Variants in TRAF3 observed in about 807,000 individuals in gnomAD.
TRAF3 encodes the protein TNF receptor-associated factor 3.
TRAF3 carries 13 observed loss-of-function variants against 62.3 expected under a neutral mutation model. That is an observed-to-expected ratio of 0.21 (90% confidence interval 0.14 to 0.33). The LOEUF is 0.33. TRAF3 is among the 10% of genes least tolerant of loss of function. TRAF3 has a pLI of 1.00. For missense variants in TRAF3, 440 were observed against 741.8 expected, an observed-to-expected ratio of 0.59 and a Z score of 4.73; for synonymous variants, 269 against 283.4, an observed-to-expected ratio of 0.95 and a Z score of 0.51.
At chr14:102,842,342 A>T (rs1309213909) in intron 2 of TRAF3, among the ~76,000 whole-genome samples, 2 of 149,628 alleles carry the variant, frequency 1.3e-5, no homozygotes, top group Admixed American at 1.3e-4. Context: ...ATACACATGT[A>T]TATGTATATA....
chr14:102,803,492 G>A (rs1412807914), intron 1 of TRAF3, among the ~76,000 whole-genome samples: 1 of 152,154 alleles, frequency 6.6e-6, no homozygotes, highest in Admixed American at 6.5e-5. Context: ...GAGATGGAAA[G>A]CATTTAGCAT....
intron 1 of TRAF3, among the ~76,000 whole-genome samples, chr14:102,795,678 T>C (rs1898044510): frequency 6.6e-6 from 1 of 152,046 alleles, no homozygotes; most frequent in Admixed American, 6.6e-5. Flanking sequence ...TTACAGTCTT[T>C]TGTTGTAATG....
At chr14:102,804,274 C>T (rs976924631) in intron 1 of TRAF3, among the ~76,000 whole-genome samples, 2 of 152,108 alleles carry the variant, frequency 1.3e-5, no homozygotes, top group South Asian at 2.1e-4. Flanking sequence ...TAGAGACTTA[C>T]AATCTTCAGT....
chr14:102,791,651 T>G (rs1428792797), intron 1 of TRAF3, among the ~76,000 whole-genome samples: 1 of 152,220 alleles, frequency 6.6e-6, no homozygotes, highest in Non-Finnish European at 1.5e-5. Context: ...TTCTTTCTAA[T>G]TTGAATGCCT....
At chr14:102,889,103 T>C (rs1889565931) in intron 7 of TRAF3, among the ~76,000 whole-genome samples, 2 of 152,252 alleles carry the variant, frequency 1.3e-5, no homozygotes, top group African/African-American at 4.8e-5. Flanking sequence ...TGAGTAATGG[T>C]ACATTGTGTA....
chr14:102,822,946 C>T (rs1424528078), intron 1 of TRAF3, among the ~76,000 whole-genome samples: 10 of 150,202 alleles, frequency 6.7e-5, no homozygotes, highest in East Asian at 3.9e-4. Flanking sequence ...GCAGAGGTTG[C>T]GGTGAGCCGA....
intron 3 of TRAF3, 74 bp from the exon 4 acceptor site, chr14:102,871,843 T>G (rs192778014): frequency 7.0e-7 from 1 of 1,425,882 alleles, no homozygotes; most frequent in Non-Finnish European, 9.9e-7. Context: ...ATAAAGTGAA[T>G]GCTCCCAGAA....
chr14:102,794,268 G>A (rs1204486266), intron 1 of TRAF3, among the ~76,000 whole-genome samples: 1 of 152,128 alleles, frequency 6.6e-6, no homozygotes, highest in Non-Finnish European at 1.5e-5. Context: ...TCAAACGCCT[G>A]GGCAGAAGTG....
intron 2 of TRAF3, among the ~76,000 whole-genome samples, chr14:102,839,844 A>G (rs1311473350): frequency 1.3e-5 from 2 of 152,244 alleles, no homozygotes; most frequent in Non-Finnish European, 2.9e-5. Context: ...GAACATGTAC[A>G]TTCCCTACTG....
intron 10 of TRAF3, among the ~76,000 whole-genome samples, chr14:102,899,163 G>A (rs1214310305): frequency 2.0e-5 from 3 of 152,232 alleles, no homozygotes; most frequent in East Asian, 1.9e-4. Context: ...CCTTCCAACC[G>A]TGTGGTTTTT....
intron 1 of TRAF3, among the ~76,000 whole-genome samples, chr14:102,791,221 G>A (rs957241077): frequency 1.3e-5 from 2 of 151,884 alleles, no homozygotes; most frequent in Non-Finnish European, 2.9e-5. Context: ...GGGTTTAACT[G>A]TGTTAGCCAG....
intron 1 of TRAF3, among the ~76,000 whole-genome samples, chr14:102,808,835 T>A (rs906837645): frequency 1.1e-4 from 16 of 151,964 alleles, no homozygotes; most frequent in Non-Finnish European, 2.2e-4. Flanking sequence ...TTTTTTTTTT[T>A]AAGACAGTCT....
At chr14:102,825,515 C>T (rs1023531451) in intron 1 of TRAF3, among the ~76,000 whole-genome samples, 5 of 152,254 alleles carry the variant, frequency 3.3e-5, no homozygotes, top group Non-Finnish European at 7.3e-5. Context: ...GGGCCCTCCT[C>T]TGTAGGCGCT....
At chr14:102,809,550 T>G (rs888452265) in intron 1 of TRAF3, among the ~76,000 whole-genome samples, 2 of 122,878 alleles carry the variant, frequency 1.6e-5, no homozygotes, top group Non-Finnish European at 1.6e-5. Context: ...TTTTTTTTTT[T>G]GAGACGGAGT....
chr14:102,902,157 G>A (rs1890335729), intron 10 of TRAF3, among the ~76,000 whole-genome samples: 1 of 152,256 alleles, frequency 6.6e-6, no homozygotes, highest in Admixed American at 6.5e-5. Context: ...GTTAAATGAA[G>A]TAGCATAAAG....
intron 2 of TRAF3, among the ~76,000 whole-genome samples, chr14:102,839,848 C>T (rs182478954): frequency 3.6e-4 from 55 of 152,222 alleles, no homozygotes; most frequent in Non-Finnish European, 2.2e-4. Flanking sequence ...ATGTACATTC[C>T]CTACTGTTAG....
At chr14:102,817,274 AACTTGAAGGTCTTTGGGG>A (rs1214496741) in intron 1 of TRAF3, among the ~76,000 whole-genome samples, 2 of 152,186 alleles carry the variant, frequency 1.3e-5, no homozygotes, top group Non-Finnish European at 2.9e-5. Context: ...TGGATTTTGC[AACTTGAAGGTCTTTGGGG>A]ACTTGGACAA....
At chr14:102,841,498 T>G (rs1021591994) in intron 2 of TRAF3, among the ~76,000 whole-genome samples, 3 of 152,212 alleles carry the variant, frequency 2.0e-5, no homozygotes, top group Non-Finnish European at 4.4e-5. Context: ...TCAGAGCAGC[T>G]TTTTCATCTA....
chr14:102,784,451 G>T (rs1019848320), intron 1 of TRAF3, among the ~76,000 whole-genome samples: 7 of 152,078 alleles, frequency 4.6e-5, no homozygotes, highest in African/African-American at 1.7e-4. Flanking sequence ...TTGAACTCCT[G>T]ACTTCAGGTG....
Sources: gnomAD v4.1 joint callset for allele counts (sites outside exome capture counted in the v4.1 genomes callset) on GRCh38, gnomAD v4.1.1 for gene constraint, MANE v1.5 for transcripts, NCBI Gene and HGNC (gene_info 2026-07-23, HGNC 2026-07-21) for gene names.